The following TMEM182 variants were observed in gnomAD, a reference collection of about 807,000 sequenced individuals.
The protein encoded by TMEM182 is transmembrane protein 182.
TMEM182 carries 20 observed loss-of-function variants against 26.8 expected under a neutral mutation model. The ratio of observed to expected loss-of-function variants is 0.75; its 90% CI spans 0.53 to 1.09. The LOEUF is 1.09. Ranked by LOEUF, TMEM182 falls within the 50% of genes least tolerant of loss-of-function variation. The pLI is 0.00. For missense variants in TMEM182, 277 were observed against 275.5 expected (o/e 1.01, Z -0.04); for synonymous variants, 109 against 102.2 (o/e 1.07, Z -0.40).
intron 3 of TMEM182, among the ~76,000 whole-genome samples, chr2:102,780,624 A>G (rs1163978652): frequency 6.6e-6 from 1 of 152,142 alleles, no homozygotes; most frequent in Non-Finnish European, 1.5e-5. Context: ...GGTCTCTACT[A>G]TCACTGTGGA....
At chr2:102,838,172 A>C (rs572568483) in intron 3 of TMEM182, among the ~76,000 whole-genome samples, 1 of 152,300 alleles carries the variant, frequency 6.6e-6, no homozygotes, top group South Asian at 2.1e-4. Context: ...GTAAGTCTTC[A>C]ATTTCAAAAC....
downstream of TMEM182, among the ~76,000 whole-genome samples, chr2:102,820,876 G>A (rs528795016): frequency 6.6e-6 from 1 of 152,316 alleles, no homozygotes; most frequent in African/African-American, 2.4e-5. Context: ...AAGCAAGAAT[G>A]ACTTCAGATT....
At chr2:102,804,819 C>T (rs574801606) in intron 4 of TMEM182, among the ~76,000 whole-genome samples, 2 of 152,316 alleles carry the variant, frequency 1.3e-5, no homozygotes, top group South Asian at 4.1e-4. Context: ...GAATTAGTGT[C>T]TTCAGTTTTG....
chr2:102,768,561 A>T (rs2540291), intron 3 of TMEM182, among the ~76,000 whole-genome samples: 8 of 150,440 alleles, frequency 5.3e-5, no homozygotes, highest in East Asian at 2.0e-4. Context: ...ATTAGCCAGG[A>T]GGGGTGGTGC....
At chr2:102,752,597 G>A (rs1235153213) in intron 1 of TMEM182, among the ~76,000 whole-genome samples, 1 of 152,134 alleles carries the variant, frequency 6.6e-6, no homozygotes, top group Non-Finnish European at 1.5e-5. Flanking sequence ...AGACATGGTG[G>A]CACTCTGGTT....
At chr2:102,737,987 G>A (rs2104621654) in intron 1 of TMEM182, among the ~76,000 whole-genome samples, 1 of 152,286 alleles carries the variant, frequency 6.6e-6, no homozygotes, top group East Asian at 1.9e-4. Context: ...AGGGAGAAGT[G>A]GAATACTGAT....
downstream of TMEM182, among the ~76,000 whole-genome samples, chr2:102,822,388 C>A (rs540303768): frequency 6.6e-6 from 1 of 151,974 alleles, no homozygotes; most frequent in South Asian, 2.1e-4. Flanking sequence ...CCCAGAAGGA[C>A]GATGTTTCGA....
intron 2 of TMEM182, 22 bp from the exon 3 acceptor site, chr2:102,764,307 A>G (rs772671973): frequency 6.2e-7 from 1 of 1,610,794 alleles, no homozygotes; most frequent in Non-Finnish European, 8.5e-7. Context: ...AACAAGTGCC[A>G]TTGTTTTGCT....
intron 4 of TMEM182, among the ~76,000 whole-genome samples, chr2:102,802,747 G>T (rs1201518503): frequency 6.6e-6 from 1 of 152,206 alleles, no homozygotes; most frequent in Non-Finnish European, 1.5e-5. Context: ...AGCAATTTCT[G>T]TATGTCAGCA....
intron 1 of TMEM182, among the ~76,000 whole-genome samples, chr2:102,754,391 C>G (rs2540308): frequency 0.32 from 49,002 of 151,994 alleles, 8,940 homozygotes; most frequent in African/African-American, 0.5. Flanking sequence ...GTCAGATCTG[C>G]TTTGCCAAAA....
At chr2:102,760,823 C>T (rs189695876), upstream of TMEM182, among the ~76,000 whole-genome samples, 1 of 152,160 alleles carries the variant, frequency 6.6e-6, no homozygotes, top group Non-Finnish European at 1.5e-5. Context: ...ACCATGTTGG[C>T]TAGGCTCCTG....
chr2:102,811,058 CAAAAAAAAAAAAA>C (rs10629082), intron 4 of TMEM182, among the ~76,000 whole-genome samples: 1 of 94,466 alleles, frequency 1.1e-5, no homozygotes, highest in African/African-American at 4.1e-5. Flanking sequence ...TCCTCTATAG[CAAAAAAAAAAAAA>C]AAAAAAAAAA....
At chr2:102,826,352 C>T (rs917975948) in intron 3 of TMEM182, among the ~76,000 whole-genome samples, 45 of 140,866 alleles carry the variant, frequency 3.2e-4, no homozygotes, top group African/African-American at 8.8e-4. Context: ...TTCATTAGAG[C>T]GGCGGTGGGG....
Position 102,815,468 on chromosome 2 carries a change from A to G in TMEM182, c.*500A>G, listed in dbSNP as rs79127541. The G allele has an allele frequency of 9.5e-4, 940 of 988,576 alleles. 7 individuals are homozygous for G. The African/African-American group carries it at 0.016, about 16-fold the overall frequency. The allele number at this position is 988,576 out of a possible 1,614,324, so 61.2% of individuals were successfully genotyped here. A position where few individuals can be genotyped will look rare whatever the true frequency, so the allele number is the denominator to read the frequency against. Reference sequence around the variant, plus strand: ...CTTGTGAGCAAATGAATTTAAAAATAGACAGCAGTTGTTCTAATTAGTGGG... The same window carrying G: ...CTTGTGAGCAAATGAATTTAAAAATGGACAGCAGTTGTTCTAATTAGTGGG... On this transcript the variant is annotated 3_prime_UTR_variant, in exon 5 of 5. Coordinates refer to ENST00000412401, the MANE Select transcript of TMEM182 (RefSeq NM_144632.5).
chr2:102,744,107 C>G (rs1450868732), intron 1 of TMEM182, among the ~76,000 whole-genome samples: 1 of 152,130 alleles, frequency 6.6e-6, no homozygotes, highest in Non-Finnish European at 1.5e-5. Context: ...CAGAATACCC[C>G]TTTGTCTCAA....
chr2:102,837,278 A>C (rs1683264418), intron 3 of TMEM182, among the ~76,000 whole-genome samples: 1 of 152,222 alleles, frequency 6.6e-6, no homozygotes, highest in African/African-American at 2.4e-5. Context: ...AATCCCTAAA[A>C]AGTCAAGAAT....
chr2:102,802,106 C>T (rs1018788631), intron 4 of TMEM182, among the ~76,000 whole-genome samples: 5 of 152,164 alleles, frequency 3.3e-5, no homozygotes, highest in South Asian at 2.1e-4. Flanking sequence ...GCTGCTTTAT[C>T]GATGCCACAA....
chr2:102,790,101 T>C (rs1381280249), intron 3 of TMEM182, among the ~76,000 whole-genome samples: 1 of 152,226 alleles, frequency 6.6e-6, no homozygotes, highest in Admixed American at 6.5e-5. Flanking sequence ...CAAATATGCT[T>C]TTTCTTCTGG....
intron 4 of TMEM182, among the ~76,000 whole-genome samples, chr2:102,811,092 A>T (rs1366785608): frequency 6.8e-6 from 1 of 147,878 alleles, no homozygotes; most frequent in Non-Finnish European, 1.5e-5. Context: ...ATTCTAAATC[A>T]TGCTTTGTAT....
Sources: gnomAD v4.1 joint callset for allele counts (sites outside exome capture counted in the v4.1 genomes callset) on GRCh38, gnomAD v4.1.1 for gene constraint, MANE v1.5 for transcripts, NCBI Gene and HGNC (gene_info 2026-07-23, HGNC 2026-07-21) for gene names.